Variants in PGM5 observed in about 807,000 individuals in gnomAD.
The protein encoded by PGM5 is phosphoglucomutase-like protein 5.
In PGM5, 23 loss-of-function variants were observed where a neutral mutation model predicts 59.2. The ratio of observed to expected loss-of-function variants is 0.39; its 90% CI spans 0.28 to 0.55. PGM5 has a LOEUF of 0.55. Ranked by LOEUF, PGM5 falls within the 20% of genes least tolerant of loss-of-function variation. The pLI is 0.66. For synonymous variants in PGM5, 214 were observed against 286.0 expected (o/e 0.75, Z 2.54); for missense variants, 574 against 748.3 (o/e 0.77, Z 2.72).
rs113472183 is a variant in PGM5, at chr9:68,507,070, C to A, written c.1614+7709C>A. Among the ~76,000 whole-genome samples, 640 of 152,092 alleles carry A rather than the reference C, an allele frequency of 4.2e-3. 7 individuals carry two copies. Among genetic ancestry groups the A allele is most frequent in the African/African-American group, 0.015 (616 of 41,482 alleles). ...AACCTGAGCAAGGATATATTAATAG[C>A]CATATATATGAGGGAAAACATGAGG... On this transcript the variant is annotated intron_variant, in intron 10 of 10. Transcript: ENST00000396396.
chr9:68,383,703 A>G (rs1425879717), intron 2 of PGM5, among the ~76,000 whole-genome samples: 4 of 150,446 alleles, frequency 2.7e-5, no homozygotes, highest in African/African-American at 9.8e-5. Context: ...GCAAAAAAAA[A>G]AAAAATCTGA....
intron 1 of PGM5, among the ~76,000 whole-genome samples, chr9:68,359,564 A>G (rs1254121874): frequency 6.6e-6 from 1 of 152,222 alleles, no homozygotes; most frequent in Non-Finnish European, 1.5e-5. Context: ...GGATAATTAT[A>G]AGCAAAATTG....
chr9:68,420,548 A>G (rs1358332361), intron 6 of PGM5, among the ~76,000 whole-genome samples: 1 of 152,202 alleles, frequency 6.6e-6, no homozygotes, highest in Non-Finnish European at 1.5e-5. Flanking sequence ...TACTATACAA[A>G]TGATCATTGT....
chr9:68,465,813 T>C (rs1823925532), intron 7 of PGM5, among the ~76,000 whole-genome samples: 1 of 152,330 alleles, frequency 6.6e-6, no homozygotes, highest in East Asian at 1.9e-4. Flanking sequence ...TGTAAAGTAC[T>C]CTGTGTAAAG....
intron 6 of PGM5, among the ~76,000 whole-genome samples, chr9:68,446,847 A>T (rs1313865687): frequency 6.6e-6 from 1 of 152,194 alleles, no homozygotes; most frequent in African/African-American, 2.4e-5. Context: ...GATGAGCTTT[A>T]TATCGTCTCT....
chr9:68,523,490 A>G (rs1423047163), intron 10 of PGM5, among the ~76,000 whole-genome samples: 1 of 152,234 alleles, frequency 6.6e-6, no homozygotes, highest in Non-Finnish European at 1.5e-5. Context: ...CATATTGACT[A>G]AAAATGAATG....
chr9:68,402,032 G>T (rs1233966974), intron 6 of PGM5, among the ~76,000 whole-genome samples: 4 of 152,240 alleles, frequency 2.6e-5, no homozygotes, highest in Admixed American at 2.6e-4. Flanking sequence ...GGAGGCTGAG[G>T]CAGGAGGATC....
intron 6 of PGM5, among the ~76,000 whole-genome samples, chr9:68,420,033 C>T (rs1457274766): frequency 6.6e-6 from 1 of 152,152 alleles, no homozygotes; most frequent in Non-Finnish European, 1.5e-5. Context: ...AGTGTTTGGA[C>T]CTGTCACTGC....
intron 10 of PGM5, among the ~76,000 whole-genome samples, chr9:68,506,035 T>C (rs1824649335): frequency 6.6e-6 from 1 of 152,228 alleles, no homozygotes; most frequent in South Asian, 2.1e-4. Context: ...TTAGGAGCTC[T>C]GTGCCAGAAA....
In PGM5 at chr9:68,483,894, C is replaced by T. The variant is rs201672908; in HGVS notation, c.1325C>T (p.Thr442Met). 1.7e-4 allele frequency: 278 copies of T among 1,613,966 alleles called. 1 individual carries two copies. The highest frequency in any genetic ancestry group is 1.0e-3 in the East Asian group (45 of 44,888). ...RFDYEGLDPK[T>M]TYYIMRDLEA... is the part of the protein sequence containing the mutation. ...GACTATGAGGGGTTGGATCCCAAGA[C>T]GACATATTATATCATGAGGGACCTG... Residue 442 changes from threonine to methionine, a missense_variant, in exon 9 of 11, where the codon ACG becomes ATG. Physicochemically the swap from Thr to Met is moderately conservative, Grantham distance 81 (BLOSUM62 -1). This residue lies in a region of PGM5 where 300 missense variants were observed against 280.0 expected (regional missense o/e 1.07). Coordinates refer to ENST00000396396, the MANE Select transcript of PGM5 (RefSeq NM_021965.4).
chr9:68,436,777 C>T (rs1449003690), intron 6 of PGM5, among the ~76,000 whole-genome samples: 3 of 152,192 alleles, frequency 2.0e-5, no homozygotes, highest in Non-Finnish European at 2.9e-5. Flanking sequence ...CTACATTTTA[C>T]AGAAGATGAA....
chr9:68,440,666 C>T (rs553320871), intron 6 of PGM5, among the ~76,000 whole-genome samples: 2 of 152,000 alleles, frequency 1.3e-5, no homozygotes, highest in African/African-American at 4.8e-5. Context: ...GCAGGTAAAA[C>T]ATTGCTTAGG....
chr9:68,362,865 CTTTT>C lies in PGM5; in HGVS notation c.261+5495_261+5498del, dbSNP rs1163826772. Among the ~76,000 whole-genome samples the C allele has an allele frequency of 1.0e-4, 10 of 96,768 alleles. No homozygotes were observed. In the East Asian group the frequency reaches 1.8e-3, roughly 17 times the overall value. The allele number at this position is 96,768 out of a possible 152,430, so 63.5% of individuals were successfully genotyped here. A position where few individuals can be genotyped will look rare whatever the true frequency, so the allele number is the denominator to read the frequency against. ...AAGATGTTTCTGACTTTTTCTTTTT[CTTTT>C]TTTTTTTTTTTTTTTTTGAGATGGA... On this transcript the variant is annotated intron_variant, in intron 1 of 10. Transcript: ENST00000396396.
intron 10 of PGM5, among the ~76,000 whole-genome samples, chr9:68,518,016 G>A (rs1388293766): frequency 5.3e-5 from 8 of 152,236 alleles, no homozygotes; most frequent in Non-Finnish European, 1.2e-4. Context: ...ATCAGGTCCA[G>A]GTGGAGGAGG....
At chr9:68,388,946 C>A (rs367574020) in intron 4 of PGM5, among the ~76,000 whole-genome samples, 4 of 151,988 alleles carry the variant, frequency 2.6e-5, no homozygotes, top group East Asian at 1.9e-4. Flanking sequence ...AGTCTGAACA[C>A]TTGTGTCCTT....
intron 6 of PGM5, among the ~76,000 whole-genome samples, chr9:68,453,984 A>G (rs1823735390): frequency 6.6e-6 from 1 of 151,934 alleles, no homozygotes; most frequent in Non-Finnish European, 1.5e-5. Flanking sequence ...GGTGTCTTTC[A>G]TTTTCCTTCA....
At chr9:68,459,518 T>A (rs1253070761) in intron 6 of PGM5, among the ~76,000 whole-genome samples, 1 of 152,234 alleles carries the variant, frequency 6.6e-6, no homozygotes, top group Non-Finnish European at 1.5e-5. Flanking sequence ...TCATTCTTGT[T>A]GTTTCATCTA....
chr9:68,487,019 G>T (rs546705366), intron 9 of PGM5, among the ~76,000 whole-genome samples: 2 of 152,280 alleles, frequency 1.3e-5, no homozygotes, highest in South Asian at 2.1e-4. Flanking sequence ...TAAGATAGAA[G>T]GAGATTTGAT....
At chr9:68,409,558 A>G (rs1279464781) in intron 6 of PGM5, among the ~76,000 whole-genome samples, 2 of 147,632 alleles carry the variant, frequency 1.4e-5, no homozygotes. Flanking sequence ...AAAAATGATG[A>G]GTTCATGACC....
Sources: gnomAD v4.1 joint callset for allele counts (sites outside exome capture counted in the v4.1 genomes callset) on GRCh38, gnomAD v4.1.1 for gene constraint, gnomAD v4.1.1 regional missense constraint, MANE v1.5 for transcripts, NCBI Gene and HGNC (gene_info 2026-07-23, HGNC 2026-07-21) for gene names.